HECTD4: variants seen among roughly 807,000 people sequenced by gnomAD.
The protein encoded by HECTD4 is probable E3 ubiquitin-protein ligase HECTD4.
HECTD4 carries 114 observed loss-of-function variants against 471.5 expected under a neutral mutation model. That is an observed-to-expected ratio of 0.24 (90% CI 0.21 to 0.28). The LOEUF is 0.28. HECTD4 is among the 10% of genes least tolerant of loss of function. The pLI is 1.00. For synonymous variants in HECTD4, 2,012 were observed against 2,256.0 expected (o/e 0.89, Z 3.07); for missense variants, 3,866 against 5,651.5 (o/e 0.68, Z 10.13).
chr12:112,239,921 C>T lies in HECTD4; in HGVS notation c.5065G>A (p.Ala1689Thr), dbSNP rs374884863. The T allele has an allele frequency of 7.4e-6, 12 of 1,614,016 alleles. No individual in the cohort carries two copies. Among genetic ancestry groups the T allele is most frequent in the East Asian group, 2.2e-5 (1 of 44,890 alleles). The change falls in exon 33 of 76, where the codon GCA becomes ACA. Residue 1689 changes from alanine to threonine, a missense_variant. Physicochemically the swap from Ala to Thr is moderately conservative, Grantham distance 58 (BLOSUM62 0). Transcript: ENST00000682272. The surrounding 1 kb of genome is among the most constrained non-coding windows in gnomAD (Gnocchi z 4.9). ...SLCARYPIAC[A>T]NSIGLLCTIP... is the part of the protein sequence containing the mutation. ...GTACATAAGAGTCCAATGCTATTTGCGCAAGCGATAGGGTAACGAGCACAC... is the reference window on the plus strand; with the variant it reads ...GTACATAAGAGTCCAATGCTATTTGTGCAAGCGATAGGGTAACGAGCACAC...
chr12:112,304,804 T>C (rs1039423567), intron 7 of HECTD4, among the ~76,000 whole-genome samples: 1 of 152,176 alleles, frequency 6.6e-6, no homozygotes, highest in East Asian at 1.9e-4. Flanking sequence ...TGAGATTCAA[T>C]AGAAAAATAA....
chr12:112,189,122 G>A (rs1337658900), intron 60 of HECTD4, among the ~76,000 whole-genome samples: 2 of 152,154 alleles, frequency 1.3e-5, no homozygotes, highest in East Asian at 1.9e-4. Context: ...GCCTCTCAAA[G>A]TGCTGGATCA....
intron 54 of HECTD4, among the ~76,000 whole-genome samples, chr12:112,202,287 CCT>C (rs1307180190): frequency 6.6e-6 from 1 of 151,830 alleles, no homozygotes; most frequent in Non-Finnish European, 1.5e-5. Flanking sequence ...CTCACCGCAA[CCT>C]CTGTCTCTGG....
At chr12:112,308,224 A>G (rs575086493) in intron 6 of HECTD4, among the ~76,000 whole-genome samples, 1 of 152,334 alleles carries the variant, frequency 6.6e-6, no homozygotes, top group South Asian at 2.1e-4. Context: ...TGGTCAGTGA[A>G]GTCAGACAGA....
intron 7 of HECTD4, among the ~76,000 whole-genome samples, chr12:112,291,791 G>C (rs1339141803): frequency 6.6e-6 from 1 of 152,174 alleles, no homozygotes; most frequent in Non-Finnish European, 1.5e-5. Flanking sequence ...AGAATGGCGT[G>C]AACCGGGGAG....
intron 19 of HECTD4, 88 bp from the exon 20 acceptor site, chr12:112,258,684 A>G: frequency 9.5e-7 from 1 of 1,050,394 alleles, no homozygotes; most frequent in Admixed American, 2.6e-5. Context: ...TCTCTCTTAA[A>G]TCATCTTTTT....
In HECTD4 at chr12:112,381,861, G is replaced by C. The variant is rs1212463727; in HGVS notation, c.177+91C>G. On this transcript the variant is annotated intron_variant, in intron 1 of 75. Coordinates refer to ENST00000682272, the MANE Select transcript of HECTD4 (RefSeq NM_001388303.1). The surrounding 1 kb of genome is among the most constrained non-coding windows in gnomAD (Gnocchi z 4.1). ...TGCCCCGGCAGCCGCCGGGAGGCGA[G>C]GCCGCGGCTGAGGCGAGGAGGGGGC... 1.0e-6 allele frequency: 1 copy of C among 959,972 alleles called. No homozygotes were observed. The allele number at this position is 959,972 out of a possible 1,614,324, so 59.5% of individuals were successfully genotyped here.
chr12:112,359,368 AC>A (rs905046856), intron 1 of HECTD4, among the ~76,000 whole-genome samples: 6 of 151,264 alleles, frequency 4.0e-5, no homozygotes, highest in Admixed American at 2.0e-4. Flanking sequence ...TCTCAGGACC[AC>A]CCCCCTCCCC....
rs768954315 is a variant in HECTD4 at position 112,162,987 on chromosome 12, A to G, written c.13120+55T>C. 18 of 1,391,594 alleles carry G rather than the reference A, an allele frequency of 1.3e-5. No homozygotes were observed. The highest frequency in any genetic ancestry group is 1.8e-4 in the Middle Eastern group (1 of 5,454). The allele number at this position is 1,391,594 out of a possible 1,614,324, so 86.2% of individuals were successfully genotyped here. On this transcript the variant is annotated intron_variant, in intron 75 of 75. Transcript: ENST00000682272. This position sits in a 1 kb window ranked among gnomAD's most constrained non-coding sequence, Gnocchi z 5.2. ...ATGGGGCCTGGCAGCCCCAGTTCCAAACAGAGAAAGGCTAGTGTGTCCCTA... is the reference window on the plus strand; with the variant it reads ...ATGGGGCCTGGCAGCCCCAGTTCCAGACAGAGAAAGGCTAGTGTGTCCCTA...
At chr12:112,218,390 G>A (rs998805126) in intron 45 of HECTD4, among the ~76,000 whole-genome samples, 2 of 152,060 alleles carry the variant, frequency 1.3e-5, no homozygotes, top group African/African-American at 2.4e-5. Context: ...GTCAATCGCC[G>A]TTCCTCTCTT....
chr12:112,241,334 A>G (rs759056312), intron 32 of HECTD4, among the ~76,000 whole-genome samples: 1 of 152,200 alleles, frequency 6.6e-6, no homozygotes, highest in Non-Finnish European at 1.5e-5. Context: ...CTGGGCAGTG[A>G]CAAGTCTGGT....
intron 45 of HECTD4, 123 bp from the exon 46 acceptor site, chr12:112,217,318 T>C (rs11066196): frequency 0.18 from 85,010 of 469,630 alleles, 10,820 homozygotes; most frequent in East Asian, 0.68. Context: ...CACACACACA[T>C]ACACACACAC....
rs182781992 is a variant in HECTD4 at position 112,212,529 on chromosome 12, G to A, written c.7587C>T (p.Asp2529=). The change falls in exon 49 of 76, where the codon GAC becomes GAT. Residue 2529 remains aspartate, a synonymous_variant. Transcript: ENST00000682272. ...CGQRLSPYLE[D]VSGGMWPVVH... The stretch of plus-strand genomic sequence containing the variant: ...CCACTGGCCACATGCCACCAGAGAC[G>A]TCTTCAAGATATGGTGAGAGGCGCT... 195 of 1,613,764 alleles carry A rather than the reference G, an allele frequency of 1.2e-4. No homozygotes were observed. The highest frequency in any genetic ancestry group is 1.6e-4 in the Non-Finnish European group (189 of 1,179,730).
At chr12:112,369,128 G>C (rs1363965527) in intron 1 of HECTD4, among the ~76,000 whole-genome samples, 3 of 152,008 alleles carry the variant, frequency 2.0e-5, no homozygotes, top group Admixed American at 6.6e-5. Context: ...CCGGATTACT[G>C]ACCAAAATGA....
chr12:112,182,842 T>C (rs186261481), intron 62 of HECTD4, among the ~76,000 whole-genome samples: 1 of 152,244 alleles, frequency 6.6e-6, no homozygotes, highest in Non-Finnish European at 1.5e-5. Flanking sequence ...CAGCCCCCAC[T>C]GACAAACAAT....
intron 1 of HECTD4, among the ~76,000 whole-genome samples, chr12:112,352,780 G>T (rs527742574): frequency 4.0e-5 from 6 of 151,452 alleles, no homozygotes; most frequent in East Asian, 3.9e-4. Context: ...CTAGTTTTTT[G>T]ATTTTTTGTA....
intron 69 of HECTD4, chr12:112,169,934 G>A (rs1593889679): frequency 5.2e-6 from 3 of 573,444 alleles, no homozygotes; most frequent in Non-Finnish European, 6.3e-6. Context: ...GGAGGTCCTC[G>A]CCCCCCAACT....
chr12:112,229,580 GA>G, intron 41 of HECTD4, 117 bp downstream of exon 41: 3 of 1,020,378 alleles, frequency 2.9e-6, no homozygotes, highest in Non-Finnish European at 4.4e-6. Flanking sequence ...TTAGCTTGAA[GA>G]AACAGGTTTT....
At chr12:112,310,186 A>C (rs192782200) in intron 4 of HECTD4, among the ~76,000 whole-genome samples, 2 of 152,300 alleles carry the variant, frequency 1.3e-5, no homozygotes, top group Admixed American at 1.3e-4. Context: ...AGATGAGATA[A>C]TAGAGGTAAA....
Sources: gnomAD v4.1 joint callset for allele counts (sites outside exome capture counted in the v4.1 genomes callset) on GRCh38, gnomAD v4.1.1 for gene constraint, Gnocchi (gnomAD v3.1) non-coding constraint, MANE v1.5 for transcripts, NCBI Gene and HGNC (gene_info 2026-07-23, HGNC 2026-07-21) for gene names.